PCDH10: variants seen among roughly 807,000 people sequenced by gnomAD.
PCDH10 encodes the protein protocadherin-10.
A neutral mutation model predicts 74.4 loss-of-function variants in PCDH10; 15 were observed. That is an observed-to-expected ratio of 0.20 (90% CI 0.13 to 0.31). PCDH10 has a LOEUF of 0.31. Ranked by LOEUF, PCDH10 falls within the 10% of genes least tolerant of loss-of-function variation. The pLI is 1.00. For synonymous variants in PCDH10, 619 were observed against 589.8 expected (o/e 1.05, Z -0.72); for missense variants, 1,260 against 1,390.2 (o/e 0.91, Z 1.49).
chr4:133,188,109 GC>G (rs1033371630), intron 4 of PCDH10, among the ~76,000 whole-genome samples: 1 of 152,022 alleles, frequency 6.6e-6, no homozygotes, highest in Non-Finnish European at 1.5e-5. Context: ...AACAGGAAAG[GC>G]CCCAACCCAG....
rs1726682634 is a variant in PCDH10 at position 133,151,300 on chromosome 4, CAG to C, written c.1163_1164del (p.Glu388GlyfsTer22). Reference sequence around the variant, plus strand: ...CTTTTCAGCGTGACTGACCGCGACTCAGAGGAGAATGGGCAGGTGCAGTGCGA... The same window carrying C: ...CTTTTCAGCGTGACTGACCGCGACTCAGGAGAATGGGCAGGTGCAGTGCGA... On this transcript the variant is annotated frameshift_variant, in exon 1 of 5. Coordinates refer to ENST00000264360, the MANE Select transcript of PCDH10 (RefSeq NM_032961.3). LOFTEE classifies it high-confidence loss of function. The C allele has an allele frequency of 1.2e-6, 2 of 1,614,060 alleles. No homozygotes were observed. Among genetic ancestry groups the C allele is most frequent in the Admixed American group, 1.7e-5 (1 of 60,006 alleles).
At chr4:133,203,723 A>G (rs1727948543) in intron 2 of PCDH10, among the ~76,000 whole-genome samples, 3 of 152,174 alleles carry the variant, frequency 2.0e-5, no homozygotes, top group African/African-American at 7.2e-5. Flanking sequence ...AAAGTTTAAT[A>G]GTTACAGCTT....
intron 3 of PCDH10, among the ~76,000 whole-genome samples, chr4:133,155,702 G>A (rs1276743518): frequency 1.3e-5 from 2 of 152,030 alleles, no homozygotes; most frequent in Non-Finnish European, 2.9e-5. Flanking sequence ...TTGTTTGTGG[G>A]CTTGATGGTA....
At chr4:133,176,259 T>C (rs1468251665) in intron 4 of PCDH10, among the ~76,000 whole-genome samples, 3 of 152,122 alleles carry the variant, frequency 2.0e-5, no homozygotes, top group Non-Finnish European at 4.4e-5. Context: ...ATGGGATCAG[T>C]CAGCCAGGTT....
chr4:133,185,744 G>C (rs1025372211), intron 4 of PCDH10, among the ~76,000 whole-genome samples: 1 of 152,056 alleles, frequency 6.6e-6, no homozygotes, highest in Non-Finnish European at 1.5e-5. Flanking sequence ...GATATTCGAA[G>C]GGTGTCCTTT....
intron 2 of PCDH10, among the ~76,000 whole-genome samples, 196 bp downstream of exon 2, chr4:133,154,561 C>T (rs1726822609): frequency 6.6e-6 from 1 of 152,144 alleles, no homozygotes; most frequent in Non-Finnish European, 1.5e-5. Context: ...ATATACAACG[C>T]TTAAACTATA....
chr4:133,157,121 A>G (rs1578560996), intron 3 of PCDH10, among the ~76,000 whole-genome samples: 3 of 152,206 alleles, frequency 2.0e-5, no homozygotes, highest in African/African-American at 7.2e-5. Context: ...GTATCTTATT[A>G]GTAGTTACAC....
chr4:133,151,538 G>A lies in PCDH10; in HGVS notation c.1398G>A (p.Pro466=). 4 of 1,614,104 alleles carry A rather than the reference G, an allele frequency of 2.5e-6. No individual in the cohort carries two copies. The highest frequency in any genetic ancestry group is 2.2e-5 in the East Asian group (1 of 44,848). ...ACAACGCGCCGCGTTTCAGCCAGCC[G>A]GTCTACGACGTGTATGTGACTGAAA... ...VNDNAPRFSQ[P]VYDVYVTENN... The change falls in exon 1 of 5, where the codon CCG becomes CCA. Residue 466 remains proline (P), a synonymous_variant. Coordinates refer to ENST00000264360, the MANE Select transcript of PCDH10 (RefSeq NM_032961.3).
At position 133,151,552 on chromosome 4, in the gene PCDH10, A is replaced by C; in HGVS notation, c.1412A>C (p.Tyr471Ser). Residue 471 changes from tyrosine to serine, a missense_variant, in exon 1 of 5, where the codon TAT (tyrosine) becomes TCT (serine). Transcript: ENST00000264360. ...TTCAGCCAGCCGGTCTACGACGTGT[A>C]TGTGACTGAAAACAACGTGCCTGGC... ...PRFSQPVYDVYVTENNVPGAY... is the reference protein window; with the variant it reads ...PRFSQPVYDVSVTENNVPGAY... The C allele has an allele frequency of 6.2e-7, 1 of 1,614,010 alleles. No individual in the cohort carries two copies. Among genetic ancestry groups the C allele is most frequent in the Non-Finnish European group, 8.5e-7 (1 of 1,180,012 alleles).
At chr4:133,199,807 A>ATTC (rs1313901121) in intron 2 of PCDH10, among the ~76,000 whole-genome samples, 1 of 147,806 alleles carries the variant, frequency 6.8e-6, no homozygotes, top group East Asian at 2.0e-4. Context: ...TATTATTATT[A>ATTC]TTATTTTCAA....
At chr4:133,176,697 A>C (rs1396228882) in intron 4 of PCDH10, among the ~76,000 whole-genome samples, 1 of 152,174 alleles carries the variant, frequency 6.6e-6, no homozygotes, top group Non-Finnish European at 1.5e-5. Flanking sequence ...AATGGAACAG[A>C]TATTATAGAA....
downstream of PCDH10, among the ~76,000 whole-genome samples, chr4:133,197,791 T>A (rs920494149): frequency 6.6e-6 from 1 of 152,168 alleles, no homozygotes; most frequent in African/African-American, 2.4e-5. Flanking sequence ...GAATAACTCT[T>A]CTTTTGATCA....
At chr4:133,159,840 G>A (rs570316660) in intron 3 of PCDH10, among the ~76,000 whole-genome samples, 65 of 152,020 alleles carry the variant, frequency 4.3e-4, no homozygotes, top group African/African-American at 1.5e-3. Flanking sequence ...CAGTGTTAAA[G>A]TTATGCATTT....
intron 4 of PCDH10, among the ~76,000 whole-genome samples, chr4:133,172,845 C>G (rs886158299): frequency 6.6e-6 from 1 of 151,916 alleles, no homozygotes; most frequent in Non-Finnish European, 1.5e-5. Context: ...CCCATTGCCT[C>G]CTATCCTTAA....
At chr4:133,157,275 T>A (rs554433863) in intron 3 of PCDH10, among the ~76,000 whole-genome samples, 1 of 152,296 alleles carries the variant, frequency 6.6e-6, no homozygotes, top group Admixed American at 6.5e-5. Context: ...TTTGAAGTGT[T>A]TTCTTTTTTA....
At chr4:133,168,420 A>G (rs2125865488) in intron 4 of PCDH10, among the ~76,000 whole-genome samples, 1 of 151,632 alleles carries the variant, frequency 6.6e-6, no homozygotes, top group East Asian at 1.9e-4. Flanking sequence ...CCAGTTAAAG[A>G]ACAATTTCAT....
intron 4 of PCDH10, among the ~76,000 whole-genome samples, chr4:133,173,431 G>T (rs941812609): frequency 6.6e-6 from 1 of 151,872 alleles, no homozygotes; most frequent in African/African-American, 2.4e-5. Context: ...CCTTGACATC[G>T]GTTCTTGCTC....
rs763223297 is a variant in PCDH10, at chr4:133,151,466, G to C, written c.1326G>C (p.Ala442=). 8 of 1,613,720 alleles carry C rather than the reference G, an allele frequency of 5.0e-6. No individual in the cohort carries two copies. In the South Asian group the frequency reaches 5.5e-5, roughly 11 times the overall value. The change falls in exon 1 of 5, where the codon GCG becomes GCC. Residue 442 remains alanine, a synonymous_variant. Transcript: ENST00000264360. The stretch of plus-strand genomic sequence containing the variant: ...TGGCTCGGGACCGGGGCGAGCCTGC[G>C]CTCTCCACCAGTAAGTCGATCCAGG... ...TVVARDRGEP[A]LSTSKSIQVQ... is the part of the protein sequence containing the mutation.
chr4:133,163,274 C>T lies in PCDH10; in HGVS notation c.3095C>T (p.Pro1032Leu), dbSNP rs1466286796. The change falls in exon 4 of 5, where the codon CCA becomes CTA. Residue 1032 changes from proline (P) to leucine (L), a missense_variant. Coordinates refer to ENST00000264360, the MANE Select transcript of PCDH10 (RefSeq NM_032961.3). ...LTNTRAPYKP[P>L]YLTRKRIC ...AATACGCGAGCGCCTTACAAACCAC[C>T]ATATTTGAGTAAGTATTACACAAAG... 2 of 1,609,420 alleles carry T rather than the reference C, an allele frequency of 1.2e-6. No homozygotes were observed. The highest frequency in any genetic ancestry group is 4.5e-5 in the East Asian group (2 of 44,788).
Sources: gnomAD v4.1 joint callset for allele counts (sites outside exome capture counted in the v4.1 genomes callset) on GRCh38, gnomAD v4.1.1 for gene constraint, MANE v1.5 for transcripts, NCBI Gene and HGNC (gene_info 2026-07-23, HGNC 2026-07-21) for gene names.